The following PDE5A variants were observed in gnomAD, a reference collection of about 807,000 sequenced individuals.
The protein encoded by PDE5A is phosphodiesterase 5A.
PDE5A carries 67 observed loss-of-function variants against 110.2 expected under a neutral mutation model. That is an observed-to-expected ratio of 0.61 (90% CI 0.50 to 0.75). The LOEUF (loss-of-function observed/expected upper bound fraction) is 0.75, where lower values mean the gene tolerates loss of function less well. Ranked by LOEUF, PDE5A falls within the 30% of genes least tolerant of loss-of-function variation. The pLI is 0.00. For missense variants in PDE5A, 862 were observed against 1,045.1 expected (o/e 0.82, Z 2.42); for synonymous variants, 328 against 351.2 (o/e 0.93, Z 0.74).
Position 119,519,183 on chromosome 4 carries a change from TGTG to T in PDE5A, c.1906-47_1906-45del, listed in dbSNP as rs1231615637. 4.3e-6 allele frequency: 6 copies of T among 1,399,190 alleles called. No individual in the cohort carries two copies. In the African/African-American group the frequency reaches 8.5e-5, roughly 20 times the overall value. 86.7% of individuals were successfully genotyped at this position (1,399,190 alleles called of 1,614,324 possible). ...TGGAGGAAAGAGAGAACAAATATAATGTGGTGAAGGACATTATATTACCTCTTT... is the reference window on the plus strand; with the variant it reads ...TGGAGGAAAGAGAGAACAAATATAATGTGAAGGACATTATATTACCTCTTT... On this transcript the variant is annotated intron_variant, in intron 13 of 20. Transcript: ENST00000354960.
chr4:119,520,803 CTTA>C (rs1726099899), intron 13 of PDE5A, 129 bp downstream of exon 13: 2 of 736,458 alleles, frequency 2.7e-6, no homozygotes, highest in Non-Finnish European at 4.2e-6. Context: ...CGAAATATAA[CTTA>C]TTATGTAAGT....
intron 7 of PDE5A, among the ~76,000 whole-genome samples, chr4:119,554,192 AG>A (rs1727458859): frequency 6.6e-6 from 1 of 152,158 alleles, no homozygotes; most frequent in South Asian, 2.1e-4. Context: ...CAAACAGCTT[AG>A]AAAAAATTTT....
At chr4:119,585,649 C>G (rs1196403466) in intron 3 of PDE5A, among the ~76,000 whole-genome samples, 1 of 152,074 alleles carries the variant, frequency 6.6e-6, no homozygotes, top group African/African-American at 2.4e-5. Flanking sequence ...AGTACTATGT[C>G]TGGTAGGTTA....
chr4:119,583,154 A>G (rs773697748), intron 3 of PDE5A, among the ~76,000 whole-genome samples: 29 of 152,344 alleles, frequency 1.9e-4, no homozygotes, highest in Non-Finnish European at 4.1e-4. Flanking sequence ...GTTGTTTAGC[A>G]TAGCCACCTT....
intron 3 of PDE5A, among the ~76,000 whole-genome samples, chr4:119,583,297 C>T (rs1728651478): frequency 6.6e-6 from 1 of 152,212 alleles, no homozygotes; most frequent in Admixed American, 6.5e-5. Flanking sequence ...CTGCTAGCTT[C>T]TAACTTTTCT....
intron 13 of PDE5A, 96 bp from the exon 14 acceptor site, chr4:119,519,235 A>T (rs1017820754): frequency 7.1e-6 from 6 of 842,330 alleles, no homozygotes; most frequent in Non-Finnish European, 1.2e-5. Flanking sequence ...TTTTCCCCTC[A>T]GTGCTTTACA....
At chr4:119,608,785 G>T (rs1384273404) in intron 1 of PDE5A, among the ~76,000 whole-genome samples, 1 of 152,140 alleles carries the variant, frequency 6.6e-6, no homozygotes, top group East Asian at 1.9e-4. Flanking sequence ...AAAAGTCCAG[G>T]ATAAACAAGT....
intron 2 of PDE5A, among the ~76,000 whole-genome samples, chr4:119,604,175 C>T (rs535440378): frequency 6.6e-6 from 1 of 152,280 alleles, no homozygotes; most frequent in South Asian, 2.1e-4. Flanking sequence ...GGCTAAGAGG[C>T]ATCACCCTGG....
chr4:119,542,936 G>A (rs1293667179), intron 9 of PDE5A, among the ~76,000 whole-genome samples: 5 of 151,858 alleles, frequency 3.3e-5, no homozygotes, highest in Non-Finnish European at 7.4e-5. Context: ...TTTGTCCTTT[G>A]GAAGCTAATT....
chr4:119,596,697 C>G, intron 2 of PDE5A, 85 bp from the exon 3 acceptor site: 1 of 748,850 alleles, frequency 1.3e-6, no homozygotes, highest in Non-Finnish European at 2.2e-6. Context: ...TTAGAGAAAT[C>G]TAACCTTGGA....
intron 9 of PDE5A, among the ~76,000 whole-genome samples, chr4:119,551,428 A>T (rs994210956): frequency 1.3e-5 from 2 of 152,204 alleles, no homozygotes; most frequent in Admixed American, 6.5e-5. Flanking sequence ...GGGAAATCAG[A>T]GTCAGAGAAT....
chr4:119,586,467 A>G (rs1560628423), intron 3 of PDE5A, among the ~76,000 whole-genome samples: 2 of 152,332 alleles, frequency 1.3e-5, no homozygotes, highest in Non-Finnish European at 2.9e-5. Flanking sequence ...CACTTTACCT[A>G]TGGAATCTTA....
rs150693234 is a variant in PDE5A, at chr4:119,501,219, G to T, written c.2441C>A (p.Pro814Gln). The T allele has an allele frequency of 1.2e-6, 2 of 1,612,038 alleles. No individual in the cohort carries two copies. Among genetic ancestry groups the T allele is most frequent in the Non-Finnish European group, 1.7e-6 (2 of 1,178,364 alleles). Residue 814 changes from proline (P) to glutamine (Q), a missense_variant, in exon 20 of 21, where the codon CCA (proline) becomes CAA (glutamine). Transcript: ENST00000354960. ...LMNREKKNKIPSMQVGFIDAI... is the reference protein window; with the variant it reads ...LMNREKKNKIQSMQVGFIDAI... ...ATCTATGAACCCAACTTGCATACTT[G>T]GGATTTTGTTTTTCTTCTCCCTGTT...
chr4:119,607,972 C>A (rs907698614), intron 1 of PDE5A, among the ~76,000 whole-genome samples: 1 of 152,106 alleles, frequency 6.6e-6, no homozygotes, highest in South Asian at 2.1e-4. Context: ...GTTTAAAACA[C>A]ATAACTTGTT....
intron 2 of PDE5A, among the ~76,000 whole-genome samples, chr4:119,601,779 G>A (rs10518336): frequency 0.42 from 63,551 of 151,894 alleles, 13,572 homozygotes; most frequent in Non-Finnish European, 0.47. Flanking sequence ...CTGGGTTGCA[G>A]TGTCAAAGAA....
At position 119,607,101 on chromosome 4, in the gene PDE5A, C is replaced by T. The variant is rs200305402; in HGVS notation, c.349G>A (p.Asp117Asn). The change falls in exon 2 of 21, where the codon GAT (aspartate) becomes AAT (asparagine). Residue 117 changes from aspartate (D) to asparagine (N), a missense_variant. Coordinates refer to ENST00000354960, the MANE Select transcript of PDE5A (RefSeq NM_001083.4). ...AGGAAGCTCACAGTTCCCTCAGAAT[C>T]CTTGACAACAATGGGTCTAAGAGGC... ...DRPLRPIVVK[D>N]SEGTVSFLSD... The T allele has an allele frequency of 7.2e-5, 117 of 1,614,168 alleles. 1 individual carries two copies. The South Asian group carries it at 1.0e-3, about 14-fold the overall frequency.
chr4:119,608,290 C>G (rs1344331051), intron 1 of PDE5A, among the ~76,000 whole-genome samples: 2 of 151,792 alleles, frequency 1.3e-5, no homozygotes, highest in Admixed American at 1.3e-4. Flanking sequence ...TTTAATGTAC[C>G]CTACTATGAA....
intron 1 of PDE5A, 104 bp downstream of exon 1, chr4:119,628,416 G>T: frequency 1.1e-6 from 1 of 902,840 alleles, no homozygotes; most frequent in Non-Finnish European, 1.7e-6. Context: ...CAGGACCGAG[G>T]ACCTACTTCA....
intron 9 of PDE5A, among the ~76,000 whole-genome samples, chr4:119,543,487 T>C (rs11936841): frequency 4.4e-4 from 67 of 152,322 alleles, no homozygotes; most frequent in African/African-American, 1.6e-3. Context: ...CTAAATACTT[T>C]GGTAGACACA....
Sources: allele counts gnomAD v4.1 joint callset (sites outside exome capture counted in the v4.1 genomes callset), GRCh38; gene constraint gnomAD v4.1.1; transcripts MANE v1.5; gene names NCBI Gene and HGNC (gene_info 2026-07-23, HGNC 2026-07-21).